The following NUMB variants were observed in gnomAD, a reference collection of about 807,000 sequenced individuals.
The protein encoded by NUMB is protein numb homolog.
Under a neutral mutation model 59.7 loss-of-function variants are expected in NUMB, and 29 were observed. That is an observed-to-expected ratio of 0.49 (90% CI 0.36 to 0.66). The LOEUF (loss-of-function observed/expected upper bound fraction) is 0.66, where lower values mean the gene tolerates loss of function less well. Among genes scored for constraint, NUMB ranks in the 30% least tolerant of loss-of-function variants. The pLI is 0.00. For missense variants in NUMB, 723 were observed against 822.0 expected (o/e 0.88, Z 1.47); for synonymous variants, 288 against 288.2 (o/e 1.00, Z 0.01).
chr14:73,372,338 A>G (rs1465708410), intron 2 of NUMB, among the ~76,000 whole-genome samples: 1 of 51,874 alleles, frequency 1.9e-5, no homozygotes, highest in African/African-American at 6.6e-5. Context: ...TATATATATA[A>G]CCTTTTATAT....
intron 1 of NUMB, among the ~76,000 whole-genome samples, chr14:73,440,630 G>C (rs1040760978): frequency 1.3e-5 from 2 of 151,610 alleles, no homozygotes; most frequent in African/African-American, 4.8e-5. Context: ...CGGATCACGA[G>C]GTCAGGAGAT....
At chr14:73,372,793 A>G (rs1894776571) in intron 2 of NUMB, among the ~76,000 whole-genome samples, 1 of 152,114 alleles carries the variant, frequency 6.6e-6, no homozygotes, top group South Asian at 2.1e-4. Context: ...TATTCATTGT[A>G]TTATATATCT....
intron 5 of NUMB, among the ~76,000 whole-genome samples, chr14:73,320,427 C>A (rs183215547): frequency 4.7e-4 from 72 of 152,110 alleles, no homozygotes; most frequent in Non-Finnish European, 1.3e-4. Flanking sequence ...GAGACAGGGT[C>A]TCACTATGTT....
intron 1 of NUMB, among the ~76,000 whole-genome samples, chr14:73,427,839 T>C (rs1414635780): frequency 6.6e-6 from 1 of 152,212 alleles, no homozygotes; most frequent in Non-Finnish European, 1.5e-5. Flanking sequence ...AAACCTTTTC[T>C]ACTTTCCCAA....
chr14:73,419,445 C>G (rs1897268079), intron 1 of NUMB, among the ~76,000 whole-genome samples: 1 of 151,958 alleles, frequency 6.6e-6, no homozygotes, highest in Non-Finnish European at 1.5e-5. Context: ...GGAGGCGGAG[C>G]TTGCAGTGAG....
At position 73,355,714 on chromosome 14, in the gene NUMB, T is replaced by G. The variant is rs751032813; in HGVS notation, c.38A>C (p.Asp13Ala). Residue 13 changes from aspartate (D) to alanine (A), a missense_variant, in exon 4 of 13, where the codon GAT (aspartate) becomes GCT (alanine). Physicochemically the swap from Asp to Ala is moderately radical, Grantham distance 126. Around this residue, in one of 2 missense-constraint regions of NUMB, gnomAD observed 317 missense variants for 436.6 expected, o/e 0.73. Transcript: ENST00000555238. The stretch of plus-strand genomic sequence containing the variant: ...ACGACTGGCCTCTGGAACATAAACA[T>G]CCTTCTTTCTCCTAAAACTTTGCCG... ...KLRQSFRRKK[D>A]VYVPEASRPH... The G allele has an allele frequency of 1.2e-6, 2 of 1,613,416 alleles. No homozygotes were observed.
chr14:73,456,090 A>C (rs1884349160), intron 1 of NUMB, among the ~76,000 whole-genome samples: 1 of 151,974 alleles, frequency 6.6e-6, no homozygotes, highest in Non-Finnish European at 1.5e-5. Flanking sequence ...ATTTAATGGA[A>C]TATAATACTC....
intron 6 of NUMB, among the ~76,000 whole-genome samples, chr14:73,306,072 G>T (rs1036463064): frequency 1.3e-5 from 2 of 152,154 alleles, no homozygotes; most frequent in East Asian, 3.8e-4. Context: ...AAAGAACAAA[G>T]CAGTGAAAGG....
chr14:73,351,663 G>A (rs930525016), intron 4 of NUMB, among the ~76,000 whole-genome samples: 3 of 151,920 alleles, frequency 2.0e-5, no homozygotes, highest in Non-Finnish European at 2.9e-5. Context: ...ACTTAATACC[G>A]TTGAACTGTA....
At chr14:73,414,787 T>G (rs1897054030) in intron 1 of NUMB, among the ~76,000 whole-genome samples, 1 of 152,074 alleles carries the variant, frequency 6.6e-6, no homozygotes, top group African/African-American at 2.4e-5. Context: ...TAGCGTGATC[T>G]CAGCTCACTG....
At chr14:73,417,553 A>C (rs76014358) in intron 1 of NUMB, among the ~76,000 whole-genome samples, 19 of 147,066 alleles carry the variant, frequency 1.3e-4, no homozygotes, top group African/African-American at 4.5e-4. Flanking sequence ...CCCTCTCTCA[A>C]AAAAAAAAAA....
chr14:73,397,864 A>G (rs1364306649), intron 2 of NUMB, among the ~76,000 whole-genome samples: 1 of 150,568 alleles, frequency 6.6e-6, no homozygotes, highest in African/African-American at 2.4e-5. Context: ...ATATTTAAAC[A>G]TTAAGAACAA....
At chr14:73,436,988 A>T (rs962913664) in intron 1 of NUMB, among the ~76,000 whole-genome samples, 4 of 151,714 alleles carry the variant, frequency 2.6e-5, no homozygotes, top group Non-Finnish European at 5.9e-5. Flanking sequence ...AAAAAAATAA[A>T]GAAAAAAAAA....
At chr14:73,455,056 G>A (rs1454051672) in intron 1 of NUMB, among the ~76,000 whole-genome samples, 1 of 152,054 alleles carries the variant, frequency 6.6e-6, no homozygotes, top group Admixed American at 6.5e-5. Context: ...ATCTGCTTTA[G>A]AACTCAGATA....
chr14:73,421,287 C>T (rs1897336144), intron 1 of NUMB, among the ~76,000 whole-genome samples: 1 of 152,008 alleles, frequency 6.6e-6, no homozygotes, highest in Non-Finnish European at 1.5e-5. Flanking sequence ...CGGACTCAAG[C>T]GATTCTCCTG....
intron 2 of NUMB, among the ~76,000 whole-genome samples, chr14:73,372,664 T>C (rs1034654679): frequency 6.6e-6 from 1 of 151,826 alleles, no homozygotes; most frequent in Admixed American, 6.6e-5. Context: ...CACTTACTCA[T>C]TTGTTCAGTC....
intron 3 of NUMB, chr14:73,356,991 C>A (rs1459443571): frequency 3.2e-6 from 3 of 926,906 alleles, no homozygotes; most frequent in Non-Finnish European, 3.9e-6. Context: ...AGCCACCATA[C>A]CTGGCCAGAA....
At chr14:73,384,820 C>A (rs1450100747) in intron 2 of NUMB, among the ~76,000 whole-genome samples, 6 of 151,972 alleles carry the variant, frequency 3.9e-5, no homozygotes, top group Admixed American at 3.9e-4. Flanking sequence ...TCAAGTGATC[C>A]TCCTGCCTCG....
At chr14:73,425,480 T>G (rs1897539335) in intron 1 of NUMB, among the ~76,000 whole-genome samples, 1 of 152,176 alleles carries the variant, frequency 6.6e-6, no homozygotes, top group Non-Finnish European at 1.5e-5. Context: ...GTGTTGAGAT[T>G]ACAAATGTGA....
Sources: allele counts gnomAD v4.1 joint callset (sites outside exome capture counted in the v4.1 genomes callset), GRCh38; gene constraint gnomAD v4.1.1; regional missense constraint gnomAD v4.1.1; transcripts MANE v1.5; gene names NCBI Gene and HGNC (gene_info 2026-07-23, HGNC 2026-07-21).